POU6F2: variants seen among roughly 807,000 people sequenced by gnomAD.
POU6F2 encodes the protein POU domain, class 6, transcription factor 2.
In POU6F2, 31 loss-of-function variants were observed where a neutral mutation model predicts 71.3. The observed-to-expected ratio is 0.43, with a 90% confidence interval of 0.33 to 0.59. The LOEUF (loss-of-function observed/expected upper bound fraction) is 0.59, where lower values mean the gene tolerates loss of function less well. Among genes scored for constraint, POU6F2 ranks in the 20% least tolerant of loss-of-function variants. POU6F2 has a pLI of 0.04. For missense variants in POU6F2, 783 were observed against 856.8 expected (o/e 0.91, Z 1.07); for synonymous variants, 347 against 355.7 (o/e 0.98, Z 0.27).
At chr7:39,349,491 C>T (rs1786098322) in intron 5 of POU6F2, among the ~76,000 whole-genome samples, 1 of 152,140 alleles carries the variant, frequency 6.6e-6, no homozygotes, top group South Asian at 2.1e-4. Context: ...TCACTTGCAC[C>T]CTCCTCATCT....
intron 1 of POU6F2, among the ~76,000 whole-genome samples, chr7:39,035,297 G>A (rs1257801004): frequency 6.6e-6 from 1 of 152,054 alleles, no homozygotes; most frequent in South Asian, 2.1e-4. Flanking sequence ...CAGAATAAAA[G>A]TTCTGGAGTT....
At chr7:38,979,358 T>C (rs1173322114) in intron 1 of POU6F2, among the ~76,000 whole-genome samples, 1 of 152,216 alleles carries the variant, frequency 6.6e-6, no homozygotes, top group African/African-American at 2.4e-5. Flanking sequence ...TGAAAGCACA[T>C]GGTTTATTAA....
At chr7:39,432,945 C>T (rs899905439) in intron 6 of POU6F2, 132 bp from the exon 7 acceptor site, 4 of 820,770 alleles carry the variant, frequency 4.9e-6, no homozygotes, top group Admixed American at 2.4e-5. Context: ...CCACACCCCC[C>T]TCCAGAGCTG....
intron 4 of POU6F2, among the ~76,000 whole-genome samples, chr7:39,330,978 G>A (rs1019185009): frequency 6.6e-6 from 1 of 152,116 alleles, no homozygotes; most frequent in Non-Finnish European, 1.5e-5. Flanking sequence ...TCTACTCTCT[G>A]CTTCTATGGC....
chr7:39,293,593 A>T (rs1162092445), intron 4 of POU6F2, among the ~76,000 whole-genome samples: 1 of 152,168 alleles, frequency 6.6e-6, no homozygotes, highest in African/African-American at 2.4e-5. Context: ...AAGCAGGCCC[A>T]CTTCCTGTTA....
intron 1 of POU6F2, among the ~76,000 whole-genome samples, chr7:38,985,417 C>A (rs372019739): frequency 7.9e-5 from 12 of 152,046 alleles, no homozygotes; most frequent in African/African-American, 2.7e-4. Context: ...TGGGCCGAAA[C>A]AATTTTATCC....
intron 4 of POU6F2, among the ~76,000 whole-genome samples, chr7:39,277,306 T>G (rs987847560): frequency 2.6e-5 from 4 of 152,160 alleles, no homozygotes; most frequent in African/African-American, 9.7e-5. Context: ...GCTACATGGG[T>G]ATATTGCGTG....
intron 1 of POU6F2, among the ~76,000 whole-genome samples, chr7:38,987,174 C>T (rs1271422000): frequency 6.6e-6 from 1 of 152,076 alleles, no homozygotes; most frequent in Non-Finnish European, 1.5e-5. Flanking sequence ...TGAAGAGTAG[C>T]TTTATGCCAC....
intron 9 of POU6F2, among the ~76,000 whole-genome samples, chr7:39,463,091 C>T (rs1004643503): frequency 1.3e-5 from 2 of 152,180 alleles, no homozygotes; most frequent in Admixed American, 6.5e-5. Flanking sequence ...GAGGAGAATT[C>T]TGTGTATCCA....
chr7:39,216,762 C>G (rs1197740155), intron 4 of POU6F2, among the ~76,000 whole-genome samples: 1 of 152,052 alleles, frequency 6.6e-6, no homozygotes, highest in African/African-American at 2.4e-5. Context: ...AAATACAAAA[C>G]TGCTAATGAA....
intron 2 of POU6F2, among the ~76,000 whole-genome samples, chr7:39,122,728 G>C (rs1792067996): frequency 7.2e-6 from 1 of 138,360 alleles, no homozygotes; most frequent in African/African-American, 2.7e-5. Flanking sequence ...TTTTTTTGGA[G>C]ATGGAATCTT....
At chr7:39,095,530 G>A (rs1791436702) in intron 2 of POU6F2, among the ~76,000 whole-genome samples, 1 of 152,170 alleles carries the variant, frequency 6.6e-6, no homozygotes, top group Admixed American at 6.5e-5. Context: ...CTTGTCATCT[G>A]TAGAGTATCA....
chr7:39,145,361 G>A (rs1792597950), intron 2 of POU6F2, among the ~76,000 whole-genome samples: 2 of 152,332 alleles, frequency 1.3e-5, no homozygotes, highest in South Asian at 2.1e-4. Flanking sequence ...ATGAGAGAGA[G>A]AGAACCAGAT....
chr7:39,365,283 G>A (rs1432327225), intron 5 of POU6F2, among the ~76,000 whole-genome samples: 1 of 152,160 alleles, frequency 6.6e-6, no homozygotes, highest in East Asian at 1.9e-4. Context: ...AAAACATAAA[G>A]TGGGGAAGGG....
rs1789061102 is a variant in POU6F2 at position 39,465,969 on chromosome 7, CAAAG to C, written c.*1287_*1290del. The stretch of plus-strand genomic sequence containing the variant: ...ATGCACACACCCATAAACACACACA[CAAAG>C]AAACAGGCTAAAAAGAAAGTGATAG... On this transcript the variant is annotated 3_prime_UTR_variant, in exon 10 of 10. Coordinates refer to ENST00000518318, the MANE Select transcript of POU6F2 (RefSeq NM_001370959.1). 1 of 152,218 alleles carries C rather than the reference CAAAG, an allele frequency of 6.6e-6. No individual in the cohort carries two copies. Among genetic ancestry groups the C allele is most frequent in the African/African-American group, 2.4e-5 (1 of 41,454 alleles). The allele number at this position is 152,218 out of a possible 1,614,324, so 9.4% of individuals were successfully genotyped here.
chr7:39,283,706 G>A (rs1447606549), intron 4 of POU6F2, among the ~76,000 whole-genome samples: 1 of 152,072 alleles, frequency 6.6e-6, no homozygotes, highest in African/African-American at 2.4e-5. Context: ...TTTGGCTATT[G>A]AGCAAATCAT....
chr7:39,190,417 T>TGAA (rs1263393087), intron 2 of POU6F2, among the ~76,000 whole-genome samples: 1 of 59,892 alleles, frequency 1.7e-5, no homozygotes, highest in African/African-American at 7.4e-5. Context: ...CTCCTTTTCT[T>TGAA]AAAAAAAAAA....
chr7:39,239,567 T>A (rs1783675487), intron 4 of POU6F2, among the ~76,000 whole-genome samples: 2 of 152,106 alleles, frequency 1.3e-5, no homozygotes, highest in South Asian at 4.1e-4. Flanking sequence ...ATATTAAAAA[T>A]TCTGAATCCA....
At chr7:39,119,965 C>T (rs1350096060) in intron 2 of POU6F2, among the ~76,000 whole-genome samples, 1 of 152,140 alleles carries the variant, frequency 6.6e-6, no homozygotes, top group East Asian at 1.9e-4. Context: ...ACAAGGCTCT[C>T]ATTTGATGCT....
Sources: gnomAD v4.1 joint callset for allele counts (sites outside exome capture counted in the v4.1 genomes callset) on GRCh38, gnomAD v4.1.1 for gene constraint, MANE v1.5 for transcripts, NCBI Gene and HGNC (gene_info 2026-07-23, HGNC 2026-07-21) for gene names.